Variants in TMEM178A observed in about 807,000 individuals in gnomAD.
TMEM178A encodes transmembrane protein 178A, also known as transmembrane protein 178.
Under a neutral mutation model 29.1 loss-of-function variants are expected in TMEM178A, and 12 were observed. The ratio of observed to expected loss-of-function variants is 0.41; its 90% confidence interval spans 0.26 to 0.67. TMEM178A has a LOEUF of 0.67. TMEM178A is among the 30% of genes least tolerant of loss of function. The pLI is 0.29. For missense variants in TMEM178A, 366 were observed against 419.1 expected (o/e 0.87, Z 1.11); for synonymous variants, 210 against 187.2 (o/e 1.12, Z -0.99).
chr2:39,673,657 C>A (rs1670496605), intron 1 of TMEM178A, among the ~76,000 whole-genome samples: 1 of 152,146 alleles, frequency 6.6e-6, no homozygotes, highest in Non-Finnish European at 1.5e-5. Context: ...ACAGGTCACT[C>A]AAATGCAAAC....
downstream of TMEM178A, among the ~76,000 whole-genome samples, chr2:39,719,445 G>T (rs1188372414): frequency 6.6e-6 from 1 of 152,190 alleles, no homozygotes; most frequent in Non-Finnish European, 1.5e-5. Context: ...GGATTCAAAC[G>T]AGTGCTGGCA....
At chr2:39,692,233 A>G (rs996956045) in intron 1 of TMEM178A, among the ~76,000 whole-genome samples, 86 of 152,308 alleles carry the variant, frequency 5.6e-4, no homozygotes, top group African/African-American at 2.1e-3. Context: ...AGATGCATAG[A>G]TTCTGGAGAT....
intron 1 of TMEM178A, among the ~76,000 whole-genome samples, chr2:39,671,185 G>C (rs893188483): frequency 6.6e-6 from 1 of 152,144 alleles, no homozygotes; most frequent in Non-Finnish European, 1.5e-5. Flanking sequence ...TATAAGAAAA[G>C]CAAAGTAAGA....
At chr2:39,711,994 A>G (rs1672324243) in intron 3 of TMEM178A, among the ~76,000 whole-genome samples, 1 of 150,674 alleles carries the variant, frequency 6.6e-6, no homozygotes. Context: ...GATTGCTTCA[A>G]TCTTTCAGAA....
At chr2:39,700,463 T>C (rs1277279743) in intron 1 of TMEM178A, among the ~76,000 whole-genome samples, 1 of 152,098 alleles carries the variant, frequency 6.6e-6, no homozygotes, top group East Asian at 1.9e-4. Flanking sequence ...TCTTAAATTC[T>C]GTTTTGTTTG....
At position 39,704,204 on chromosome 2, in the gene TMEM178A, T is replaced by C; in HGVS notation, c.514+10T>C. ...GAGTGGCACCTGCTTCGTAAGTATT[T>C]CCAGGAGAGGTTCAGAGAGGAAATG... is the stretch of plus-strand genomic sequence containing the variant. On this transcript the variant is annotated intron_variant, in intron 2 of 3. Coordinates refer to ENST00000281961, the MANE Select transcript of TMEM178A (RefSeq NM_152390.3). 1.2e-6 allele frequency: 2 copies of C among 1,610,336 alleles called. No homozygotes were observed. Among genetic ancestry groups the C allele is most frequent in the Non-Finnish European group, 1.7e-6 (2 of 1,176,608 alleles).
At chr2:39,721,358 G>GT (rs1334477686), downstream of TMEM178A, among the ~76,000 whole-genome samples, 1 of 152,198 alleles carries the variant, frequency 6.6e-6, no homozygotes, top group African/African-American at 2.4e-5. Context: ...TGGAGCCCCT[G>GT]TAAGAGGAAA....
At chr2:39,707,251 T>G in intron 3 of TMEM178A, 65 bp downstream of exon 3, 2 of 1,506,802 alleles carry the variant, frequency 1.3e-6, no homozygotes, top group East Asian at 2.3e-5. Flanking sequence ...TGCGGCTAGC[T>G]AGTGTCGCTT....
Position 39,717,505 on chromosome 2 carries a change from G to A in TMEM178A, c.*254G>A. The stretch of plus-strand genomic sequence containing the variant: ...GCAGTGCCATGGGACATTTCTAGGT[G>A]TAGAGAAAGAAGAAACTGCAATGGA... On this transcript the variant is annotated 3_prime_UTR_variant, in exon 4 of 4. Transcript: ENST00000281961. 2.7e-6 allele frequency: 1 copy of A among 366,078 alleles called. No individual in the cohort carries two copies. The highest frequency in any genetic ancestry group is 4.8e-6 in the Non-Finnish European group (1 of 208,594). 22.7% of individuals were successfully genotyped at this position (366,078 alleles called of 1,614,324 possible).
At chr2:39,672,413 C>A (rs1670442790) in intron 1 of TMEM178A, among the ~76,000 whole-genome samples, 1 of 152,132 alleles carries the variant, frequency 6.6e-6, no homozygotes, top group African/African-American at 2.4e-5. Flanking sequence ...CCAATTATAC[C>A]CGAGTTGCTG....
At chr2:39,715,189 T>C (rs1572699422) in intron 3 of TMEM178A, among the ~76,000 whole-genome samples, 1 of 152,244 alleles carries the variant, frequency 6.6e-6, no homozygotes, top group East Asian at 1.9e-4. Flanking sequence ...TAAAACAATG[T>C]TACTTGTAAA....
At chr2:39,696,463 A>AT (rs1226699226) in intron 1 of TMEM178A, among the ~76,000 whole-genome samples, 1 of 152,154 alleles carries the variant, frequency 6.6e-6, no homozygotes, top group Non-Finnish European at 1.5e-5. Flanking sequence ...TCCTATGCTA[A>AT]GTCCTGAATT....
At chr2:39,691,891 A>T (rs1671331858) in intron 1 of TMEM178A, among the ~76,000 whole-genome samples, 1 of 151,708 alleles carries the variant, frequency 6.6e-6, no homozygotes, top group African/African-American at 2.4e-5. Context: ...GCATACACAC[A>T]TATATAATGG....
rs775561657 is a variant in TMEM178A at position 39,717,362 on chromosome 2, G to A, written c.*111G>A. 2.9e-5 allele frequency: 42 copies of A among 1,430,554 alleles called. No individual in the cohort carries two copies. Among genetic ancestry groups the A allele is most frequent in the Non-Finnish European group, 3.7e-5 (40 of 1,074,932 alleles). 88.6% of individuals were successfully genotyped at this position (1,430,554 alleles called of 1,614,324 possible). On this transcript the variant is annotated 3_prime_UTR_variant, in exon 4 of 4. Transcript: ENST00000281961. Reference sequence around the variant, plus strand: ...TTACATTCCAACCTGTTGCCTGCCAGCCCTTTCTGGATTACTGATAGAAAA... The same window carrying A: ...TTACATTCCAACCTGTTGCCTGCCAACCCTTTCTGGATTACTGATAGAAAA...
the TMEM178A span, among the ~76,000 whole-genome samples, chr2:39,735,224 C>A: frequency 3.9e-5 from 6 of 152,246 alleles, no homozygotes; most frequent in Middle Eastern, 3.4e-3. Context: ...ATCCTTTATC[C>A]GCAGTATCCA....
At chr2:39,688,970 A>G (rs1671199201) in intron 1 of TMEM178A, among the ~76,000 whole-genome samples, 1 of 152,178 alleles carries the variant, frequency 6.6e-6, no homozygotes, top group Admixed American at 6.5e-5. Context: ...AATATGTTTA[A>G]ATTTTTTTCA....
intron 1 of TMEM178A, among the ~76,000 whole-genome samples, chr2:39,675,319 G>C (rs1019812449): frequency 3.3e-5 from 5 of 152,128 alleles, no homozygotes; most frequent in African/African-American, 1.2e-4. Context: ...ATTGGCAGCT[G>C]TATAAATAAC....
rs554088968 is a variant in TMEM178A at position 39,688,651 on chromosome 2, A to G, written c.401-15430A>G. 3.9e-5 allele frequency among the ~76,000 whole-genome samples: 6 copies of G among 152,406 alleles called. No individual in the cohort carries two copies. The East Asian group carries it at 7.7e-4, about 20-fold the overall frequency. On this transcript the variant is annotated intron_variant, in intron 1 of 3. Transcript: ENST00000281961. ...GGCTGAAAAAGTAAAAGGAAATGCAATTCAGTCTTTTCAACTTTGCTTTAT... is the reference window on the plus strand; with the variant it reads ...GGCTGAAAAAGTAAAAGGAAATGCAGTTCAGTCTTTTCAACTTTGCTTTAT...
downstream of TMEM178A, among the ~76,000 whole-genome samples, chr2:39,719,961 A>T (rs1672670874): frequency 1.3e-5 from 2 of 152,232 alleles, no homozygotes; most frequent in South Asian, 4.1e-4. Context: ...GGGAAACATT[A>T]ATGAAGCAAA....
Sources: allele counts gnomAD v4.1 joint callset (sites outside exome capture counted in the v4.1 genomes callset), GRCh38; gene constraint gnomAD v4.1.1; transcripts MANE v1.5; gene names NCBI Gene and HGNC (gene_info 2026-07-23, HGNC 2026-07-21).